The following AK8 variants were observed in gnomAD, a reference collection of about 807,000 sequenced individuals.
The protein encoded by AK8 is adenylate kinase 8.
A neutral mutation model predicts 54.6 loss-of-function variants in AK8; 44 were observed. The observed-to-expected ratio is 0.81, with a 90% CI of 0.63 to 1.04. AK8 has a LOEUF of 1.04. Ranked by LOEUF, AK8 falls within the 50% of genes least tolerant of loss-of-function variation. The pLI is 0.00. For missense variants in AK8, 555 were observed against 613.6 expected, an observed-to-expected ratio of 0.90 and a Z score of 1.01; for synonymous variants, 239 against 245.6, an observed-to-expected ratio of 0.97 and a Z score of 0.25.
chr9:132,876,047 G>A (rs552528556), intron 1 of AK8, among the ~76,000 whole-genome samples: 1 of 152,332 alleles, frequency 6.6e-6, no homozygotes, highest in South Asian at 2.1e-4. Context: ...GCAATAAGGG[G>A]TATCCTTGAG....
At chr9:132,844,158 C>T (rs956620865) in intron 5 of AK8, among the ~76,000 whole-genome samples, 1 of 152,030 alleles carries the variant, frequency 6.6e-6, no homozygotes, top group African/African-American at 2.4e-5. Context: ...TCTTGATTGT[C>T]CCTAACAATG....
At chr9:132,740,758 C>T (rs113439498) in intron 11 of AK8, among the ~76,000 whole-genome samples, 2 of 152,132 alleles carry the variant, frequency 1.3e-5, no homozygotes, top group African/African-American at 4.8e-5. Context: ...GCACGGTGGG[C>T]CCAGGCGAGG....
intron 5 of AK8, among the ~76,000 whole-genome samples, chr9:132,835,340 C>A (rs1588190464): frequency 6.6e-6 from 1 of 152,340 alleles, no homozygotes; most frequent in Non-Finnish European, 1.5e-5. Flanking sequence ...CCCAAGATAG[C>A]CCCCTGCAGA....
chr9:132,871,922 T>G (rs1162533824), intron 2 of AK8, among the ~76,000 whole-genome samples: 1 of 152,230 alleles, frequency 6.6e-6, no homozygotes, highest in African/African-American at 2.4e-5. Flanking sequence ...AAATTAAAGC[T>G]GCACACAGAG....
intron 11 of AK8, among the ~76,000 whole-genome samples, chr9:132,779,287 C>G (rs1047657391): frequency 7.2e-5 from 11 of 152,172 alleles, no homozygotes; most frequent in Non-Finnish European, 8.8e-5. Flanking sequence ...CTGTAGCATC[C>G]TATTTGGGGG....
At chr9:132,759,608 T>C (rs1838356614) in intron 11 of AK8, among the ~76,000 whole-genome samples, 1 of 152,236 alleles carries the variant, frequency 6.6e-6, no homozygotes, top group Non-Finnish European at 1.5e-5. Flanking sequence ...CTGGAATTGA[T>C]TGTTACATAT....
chr9:132,776,088 A>G (rs765399761), intron 11 of AK8, among the ~76,000 whole-genome samples: 6 of 152,198 alleles, frequency 3.9e-5, no homozygotes, highest in Non-Finnish European at 8.8e-5. Flanking sequence ...TCTTACACAA[A>G]CATTGGAAAT....
chr9:132,844,297 C>CAAAAAAAAAAAAAAAAAAAAAAAA (rs35309762), intron 5 of AK8, among the ~76,000 whole-genome samples: 1 of 92,656 alleles, frequency 1.1e-5, no homozygotes, highest in African/African-American at 4.8e-5. Context: ...TGCATTAGAC[C>CAAAAAAAAAAAAAAAAAAAAAAAA]AAAAAAAAAA....
chr9:132,823,455 A>G (rs1588173747), intron 8 of AK8, 119 bp from the exon 9 acceptor site: 6 of 1,375,698 alleles, frequency 4.4e-6, no homozygotes, highest in Non-Finnish European at 6.0e-6. Context: ...TCACAGCACC[A>G]TGGAAGCCCT....
At chr9:132,823,069 A>G (rs1375159357) in intron 9 of AK8, 136 bp downstream of exon 9, 1 of 1,269,020 alleles carries the variant, frequency 7.9e-7, no homozygotes, top group African/African-American at 1.5e-5. Context: ...ATGGTTAAGA[A>G]CAAAGAGCCA....
Position 132,751,572 on chromosome 9 carries a change from A to G in AK8, c.1122-24038T>C, listed in dbSNP as rs117246269. On this transcript the variant is annotated intron_variant, in intron 11 of 12. Coordinates refer to ENST00000298545, the MANE Select transcript of AK8 (RefSeq NM_152572.3). ...AAAAAAACAACTTCTGGGTTTTGTT[A>G]GTTGTCTGTGAATTAAGTCTATGAT... Among the ~76,000 whole-genome samples the G allele has an allele frequency of 4.1e-4, 62 of 149,722 alleles. No individual in the cohort carries two copies. In the East Asian group the frequency reaches 0.012, roughly 29 times the overall value.
intron 11 of AK8, among the ~76,000 whole-genome samples, chr9:132,744,838 T>G (rs938958581): frequency 2.6e-5 from 4 of 152,198 alleles, no homozygotes; most frequent in Non-Finnish European, 5.9e-5. Context: ...CCATGAAATA[T>G]TCATGGGGAC....
chr9:132,818,749 G>A (rs115446905), intron 9 of AK8, among the ~76,000 whole-genome samples: 3,446 of 152,056 alleles, frequency 0.023, 130 homozygotes, highest in African/African-American at 0.079. Context: ...GTGGGAGGCC[G>A]AGGCGGGAGG....
intron 10 of AK8, among the ~76,000 whole-genome samples, chr9:132,812,565 G>GGATGACAGGGGTGAGCCA (rs1564415189): frequency 6.3e-4 from 3 of 4,726 alleles, no homozygotes; most frequent in Admixed American, 2.4e-3. Flanking sequence ...GCCGCGCCCG[G>GGATGACAGGGGTGAGCCA]CCGCTAGGTG....
rs868800080 is a variant in AK8 at position 132,855,581 on chromosome 9, C to A, written c.334-656G>T. Among the ~76,000 whole-genome samples, 20 of 152,276 alleles carry A rather than the reference C, an allele frequency of 1.3e-4. No homozygotes were observed. In the Middle Eastern group the frequency reaches 0.01, roughly 78 times the overall value. The stretch of plus-strand genomic sequence containing the variant: ...AAAGGCTACAATAAGGACTCCCCAC[C>A]CTGCCCCCAGTGCTGGTTGTTGAAT... On this transcript the variant is annotated intron_variant, in intron 4 of 12. Coordinates refer to ENST00000298545, the MANE Select transcript of AK8 (RefSeq NM_152572.3).
intron 11 of AK8, among the ~76,000 whole-genome samples, chr9:132,732,755 G>GT (rs1836907798): frequency 6.6e-6 from 1 of 152,066 alleles, no homozygotes; most frequent in Non-Finnish European, 1.5e-5. Flanking sequence ...TGTGCCTGTA[G>GT]CCAGCCTCAG....
chr9:132,848,750 G>C (rs1842852468), intron 5 of AK8, among the ~76,000 whole-genome samples: 1 of 152,164 alleles, frequency 6.6e-6, no homozygotes, highest in African/African-American at 2.4e-5. Context: ...TGTGGGGAAG[G>C]GTCCTGGTAG....
intron 11 of AK8, among the ~76,000 whole-genome samples, chr9:132,732,377 G>A (rs1469453662): frequency 6.6e-6 from 1 of 152,104 alleles, no homozygotes. Context: ...TGGCATTCAG[G>A]ATTATATCTT....
intron 5 of AK8, among the ~76,000 whole-genome samples, chr9:132,835,597 T>G (rs1366736694): frequency 6.6e-6 from 1 of 152,210 alleles, no homozygotes; most frequent in Non-Finnish European, 1.5e-5. Flanking sequence ...TGTGTGACTT[T>G]CAACCAGTCA....
Sources: allele counts gnomAD v4.1 joint callset (sites outside exome capture counted in the v4.1 genomes callset), GRCh38; gene constraint gnomAD v4.1.1; transcripts MANE v1.5; gene names NCBI Gene and HGNC (gene_info 2026-07-23, HGNC 2026-07-21).